SESTD1: variants seen among roughly 807,000 people sequenced by gnomAD.
SESTD1 encodes the protein SEC14 domain and spectrin repeat-containing protein 1.
SESTD1 carries 43 observed loss-of-function variants against 101.7 expected under a neutral mutation model. The ratio of observed to expected loss-of-function variants is 0.42; its 90% CI spans 0.33 to 0.55. The LOEUF is 0.55. SESTD1 is among the 20% of genes least tolerant of loss of function. SESTD1 has a pLI of 0.07. For synonymous variants in SESTD1, 283 were observed against 286.8 expected, an observed-to-expected ratio of 0.99 and a Z score of 0.13; for missense variants, 647 against 815.1, an observed-to-expected ratio of 0.79 and a Z score of 2.51.
At chr2:179,140,828 C>CCTT (rs1373128270) in intron 9 of SESTD1, among the ~76,000 whole-genome samples, 33 of 152,292 alleles carry the variant, frequency 2.2e-4, no homozygotes, top group Non-Finnish European at 4.4e-4. Flanking sequence ...AACCTTACAA[C>CCTT]AGCGTTTGAC....
intron 2 of SESTD1, among the ~76,000 whole-genome samples, chr2:179,186,121 T>A (rs2046228835): frequency 1.3e-5 from 2 of 150,142 alleles, no homozygotes; most frequent in Non-Finnish European, 1.5e-5. Flanking sequence ...TACAGAGACA[T>A]AACATACTTT....
At position 179,209,765 on chromosome 2, in the gene SESTD1, A is replaced by G. The variant is rs1169610303; in HGVS notation, c.-25-17899T>C. On this transcript the variant is annotated intron_variant, in intron 1 of 17. Transcript: ENST00000428443. The stretch of plus-strand genomic sequence containing the variant: ...ATGCCTATTACATCAAAAAGTCGGA[A>G]AGTGCACAAATTGACAATCTAAGTT... Among the ~76,000 whole-genome samples, 6 of 134,020 alleles carry G rather than the reference A, an allele frequency of 4.5e-5. 2 individuals carry two copies. The highest frequency in any genetic ancestry group is 1.8e-4 in the African/African-American group (6 of 33,784). The allele number at this position is 134,020 out of a possible 152,430, so 87.9% of individuals were successfully genotyped here.
At chr2:179,199,597 C>T (rs2046468974) in intron 1 of SESTD1, among the ~76,000 whole-genome samples, 1 of 152,016 alleles carries the variant, frequency 6.6e-6, no homozygotes, top group African/African-American at 2.4e-5. Flanking sequence ...CATCAAAAAG[C>T]TTATCCACCA....
At chr2:179,190,281 G>A (rs563490675) in intron 2 of SESTD1, among the ~76,000 whole-genome samples, 2 of 151,750 alleles carry the variant, frequency 1.3e-5, no homozygotes, top group East Asian at 1.9e-4. Context: ...AACAAAACAC[G>A]CAATGGGGAA....
intron 10 of SESTD1, 43 bp downstream of exon 10, chr2:179,132,261 G>A (rs748327025): frequency 1.9e-5 from 28 of 1,504,930 alleles, no homozygotes; most frequent in Middle Eastern, 1.8e-4. Flanking sequence ...AATTACCCAC[G>A]TTCATAATAT....
At chr2:179,187,405 A>T (rs564901149) in intron 2 of SESTD1, among the ~76,000 whole-genome samples, 5 of 152,326 alleles carry the variant, frequency 3.3e-5, no homozygotes, top group African/African-American at 1.2e-4. Context: ...TAGAAGGATC[A>T]CTTGAGCCCA....
chr2:179,201,802 T>C (rs1433249315), intron 1 of SESTD1, among the ~76,000 whole-genome samples: 6 of 130,046 alleles, frequency 4.6e-5, no homozygotes, highest in Admixed American at 1.5e-4. Flanking sequence ...AGGGATAGCA[T>C]TGGGCAACAT....
intron 3 of SESTD1, among the ~76,000 whole-genome samples, chr2:179,180,878 T>C (rs1160781213): frequency 8.5e-5 from 13 of 152,176 alleles, no homozygotes; most frequent in Non-Finnish European, 1.5e-5. Context: ...ACAGCCATGT[T>C]TGTTAATCCC....
At chr2:179,167,235 C>T (rs2045850940) in intron 5 of SESTD1, among the ~76,000 whole-genome samples, 1 of 152,116 alleles carries the variant, frequency 6.6e-6, no homozygotes, top group Non-Finnish European at 1.5e-5. Context: ...AAATCAAAAG[C>T]ATGGTAATTT....
chr2:179,220,702 A>G (rs1220327352), intron 1 of SESTD1, among the ~76,000 whole-genome samples: 3 of 152,146 alleles, frequency 2.0e-5, no homozygotes, highest in Admixed American at 1.3e-4. Context: ...ATAACTTCAC[A>G]AATTCCAGCA....
chr2:179,113,966 T>C (rs200621479), intron 16 of SESTD1, among the ~76,000 whole-genome samples: 1 of 150,998 alleles, frequency 6.6e-6, no homozygotes, highest in East Asian at 1.9e-4. Flanking sequence ...TTACACAGGG[T>C]GGGGGGAGCT....
chr2:179,207,143 G>T (rs2046601051), intron 1 of SESTD1, among the ~76,000 whole-genome samples: 1 of 133,450 alleles, frequency 7.5e-6, no homozygotes, highest in Non-Finnish European at 1.6e-5. Flanking sequence ...TAAAGCTCTT[G>T]GGAGCTCTAT....
intron 1 of SESTD1, among the ~76,000 whole-genome samples, chr2:179,217,584 C>T (rs1480585580): frequency 1.3e-5 from 2 of 152,132 alleles, no homozygotes; most frequent in Non-Finnish European, 2.9e-5. Flanking sequence ...CCTCAAGGAT[C>T]TAGAACTAGA....
chr2:179,255,273 G>C (rs1398657077), intron 1 of SESTD1, among the ~76,000 whole-genome samples: 1 of 152,182 alleles, frequency 6.6e-6, no homozygotes, highest in African/African-American at 2.4e-5. Flanking sequence ...ACTCAGGAAG[G>C]TATGTCTAAA....
intron 3 of SESTD1, 56 bp downstream of exon 3, chr2:179,183,024 A>T: frequency 8.5e-7 from 1 of 1,176,150 alleles, no homozygotes; most frequent in Non-Finnish European, 1.2e-6. Flanking sequence ...AGAAAGAATC[A>T]TTAGTAACTG....
intron 13 of SESTD1, among the ~76,000 whole-genome samples, chr2:179,118,436 G>T (rs574527140): frequency 7.4e-4 from 112 of 152,172 alleles, no homozygotes; most frequent in African/African-American, 2.7e-3. Context: ...GGTGGGATGG[G>T]GGACTCCCAC....
chr2:179,150,755 G>A (rs942695939), intron 6 of SESTD1, among the ~76,000 whole-genome samples: 2 of 152,062 alleles, frequency 1.3e-5, no homozygotes, highest in South Asian at 2.1e-4. Context: ...CGGAGGCGGA[G>A]GTTGCAGTGA....
intron 5 of SESTD1, among the ~76,000 whole-genome samples, chr2:179,163,872 C>A (rs551471941): frequency 2.0e-5 from 3 of 152,214 alleles, no homozygotes; most frequent in Admixed American, 6.5e-5. Flanking sequence ...TTTTAACTTG[C>A]AGAAAGATTA....
chr2:179,163,714 C>T (rs1214858009), intron 5 of SESTD1, among the ~76,000 whole-genome samples: 4 of 151,900 alleles, frequency 2.6e-5, no homozygotes, highest in South Asian at 4.1e-4. Context: ...TTTATACATG[C>T]TAGAGAAGTT....
Sources: allele counts gnomAD v4.1 joint callset (sites outside exome capture counted in the v4.1 genomes callset), GRCh38; gene constraint gnomAD v4.1.1; transcripts MANE v1.5; gene names NCBI Gene and HGNC (gene_info 2026-07-23, HGNC 2026-07-21).